Variants in MLIP observed in about 807,000 individuals in gnomAD.
MLIP encodes muscular LMNA interacting protein, also known as muscular LMNA-interacting protein.
In MLIP, 79 loss-of-function variants were observed where a neutral mutation model predicts 84.8. The ratio of observed to expected loss-of-function variants is 0.93; its 90% CI spans 0.78 to 1.12. The LOEUF is 1.12. Among genes scored for constraint, MLIP ranks in the 50% most tolerant of loss-of-function variants. The pLI is 0.00. For synonymous variants in MLIP, 504 were observed against 463.0 expected, an observed-to-expected ratio of 1.09 and a Z score of -1.14; for missense variants, 1,257 against 1,160.6, an observed-to-expected ratio of 1.08 and a Z score of -1.21.
intron 11 of MLIP, among the ~76,000 whole-genome samples, chr6:54,220,778 CTAAAG>C (rs1780165684): frequency 6.6e-6 from 1 of 152,084 alleles, no homozygotes; most frequent in African/African-American, 2.4e-5. Context: ...AATTTGTTCT[CTAAAG>C]TAAGTGACTT....
At chr6:54,093,806 A>C (rs76245018) in intron 1 of MLIP, among the ~76,000 whole-genome samples, 2,540 of 152,228 alleles carry the variant, frequency 0.017, 39 homozygotes, top group Middle Eastern at 0.048. Flanking sequence ...ATTTCTTTGC[A>C]TATTTTCTTT....
chr6:54,117,173 G>A (rs1268807468), intron 1 of MLIP, among the ~76,000 whole-genome samples: 2 of 147,698 alleles, frequency 1.4e-5, no homozygotes, highest in African/African-American at 4.9e-5. Flanking sequence ...TTTACTCTAA[G>A]ATTTGGAAAA....
intron 1 of MLIP, among the ~76,000 whole-genome samples, chr6:54,028,692 G>A (rs1406561625): frequency 6.6e-6 from 1 of 152,256 alleles, no homozygotes; most frequent in South Asian, 2.1e-4. Flanking sequence ...TTTGCCTACA[G>A]CTTGTAGACC....
rs1771815253 is a variant in MLIP at position 54,136,596 on chromosome 6, G to C, written c.646-119G>C. 8 of 936,072 alleles carry C rather than the reference G, an allele frequency of 8.5e-6. No individual in the cohort carries two copies. The Middle Eastern group carries it at 1.8e-3, about 215-fold the overall frequency. 58.0% of individuals were successfully genotyped at this position (936,072 alleles called of 1,614,324 possible). ...AAATAGAATTTCCTTCATTTTTGTGGAGGTTTAAGATGCCTCCTTTTGTGT... is the reference window on the plus strand; with the variant it reads ...AAATAGAATTTCCTTCATTTTTGTGCAGGTTTAAGATGCCTCCTTTTGTGT... On this transcript the variant is annotated intron_variant, in intron 3 of 13. Transcript: ENST00000502396.
Position 54,124,559 on chromosome 6 carries a change from TGGAACGATTTTACAAGAAA to T in MLIP, c.342_360del (p.Thr115AsnfsTer55), listed in dbSNP as rs1435619703. On this transcript the variant is annotated frameshift_variant, in exon 3 of 14. Coordinates refer to ENST00000502396, the MANE Select transcript of MLIP (RefSeq NM_001281747.2). LOFTEE classifies it high-confidence loss of function. ...AATTGACTTGTCCTTCAGAGGTCAGTGGAACGATTTTACAAGAAAGGGAATTCGAAGCAAACAAACTTCA... is the reference window on the plus strand; with the variant it reads ...AATTGACTTGTCCTTCAGAGGTCAGTGGGAATTCGAAGCAAACAAACTTCA... 6.2e-7 allele frequency: 1 copy of T among 1,614,030 alleles called. No homozygotes were observed. The highest frequency in any genetic ancestry group is 8.5e-7 in the Non-Finnish European group (1 of 1,180,032).
At chr6:54,126,297 G>GT (rs970878804) in intron 3 of MLIP, among the ~76,000 whole-genome samples, 1 of 151,994 alleles carries the variant, frequency 6.6e-6, no homozygotes, top group Admixed American at 6.6e-5. Flanking sequence ...CCAACTGATA[G>GT]TTTTTTCCCC....
intron 5 of MLIP, among the ~76,000 whole-genome samples, chr6:54,157,572 C>A (rs1005398946): frequency 6.6e-6 from 1 of 152,008 alleles, no homozygotes; most frequent in Admixed American, 6.6e-5. Context: ...TGTTTTGTGG[C>A]ATCCCCCTTC....
At chr6:54,190,890 G>A (rs1777853103) in intron 10 of MLIP, among the ~76,000 whole-genome samples, 1 of 151,406 alleles carries the variant, frequency 6.6e-6, no homozygotes, top group African/African-American at 2.4e-5. Flanking sequence ...CCGCCTCCCG[G>A]GTTCACGCCA....
intron 11 of MLIP, chr6:54,217,216 T>TGAA: frequency 1.0e-6 from 1 of 985,202 alleles, no homozygotes; most frequent in Middle Eastern, 5.2e-4. Context: ...ACAGCATGAG[T>TGAA]GAAGAGGAAG....
At position 54,219,081 on chromosome 6, in the gene MLIP, C is replaced by G. The variant is rs1007997952; in HGVS notation, c.2719-11633C>G. 2.6e-5 allele frequency among the ~76,000 whole-genome samples: 4 copies of G among 151,556 alleles called. No individual in the cohort carries two copies. In the East Asian group the frequency reaches 7.8e-4, roughly 30 times the overall value. On this transcript the variant is annotated intron_variant, in intron 11 of 13. Coordinates refer to ENST00000502396, the MANE Select transcript of MLIP (RefSeq NM_001281747.2). ...ATTAGCCGGGCATGGTGGCGGGCGC[C>G]TGTAGTCCCAGCTACTCGGGAGGCT...
intron 10 of MLIP, among the ~76,000 whole-genome samples, chr6:54,200,816 A>G (rs1004150016): frequency 2.0e-5 from 3 of 152,184 alleles, no homozygotes; most frequent in Admixed American, 6.5e-5. Context: ...CAGTTGTCAT[A>G]TACATGAAAG....
chr6:54,023,182 TAATAATA>T (rs1561871725), intron 1 of MLIP, among the ~76,000 whole-genome samples: 5 of 148,052 alleles, frequency 3.4e-5, no homozygotes, highest in Non-Finnish European at 7.5e-5. Context: ...ATAATAATAA[TAATAATA>T]ATAATAATGA....
intron 1 of MLIP, among the ~76,000 whole-genome samples, chr6:54,092,287 T>C (rs963083316): frequency 2.0e-5 from 3 of 152,160 alleles, no homozygotes; most frequent in African/African-American, 7.2e-5. Flanking sequence ...GCTTGTGAAT[T>C]GCAATTTCAA....
chr6:54,257,233 T>C (rs1486136547), intron 12 of MLIP, 75 bp from the exon 13 acceptor site: 1 of 1,051,848 alleles, frequency 9.5e-7, no homozygotes, highest in African/African-American at 1.6e-5. Flanking sequence ...TGTCAATCTG[T>C]TTAAATGAAA....
chr6:54,125,445 C>T (rs1196920533), intron 3 of MLIP, among the ~76,000 whole-genome samples: 1 of 152,110 alleles, frequency 6.6e-6, no homozygotes, highest in African/African-American at 2.4e-5. Context: ...GGAAAATATA[C>T]CACCCCAAAA....
At chr6:54,189,689 A>C (rs566516844) in intron 9 of MLIP, among the ~76,000 whole-genome samples, 181 bp from the exon 10 acceptor site, 1 of 152,310 alleles carries the variant, frequency 6.6e-6, no homozygotes, top group African/African-American at 2.4e-5. Flanking sequence ...ATTTATGGCT[A>C]TGTACCAAAA....
intron 9 of MLIP, among the ~76,000 whole-genome samples, chr6:54,188,970 A>G (rs773680764): frequency 2.6e-5 from 4 of 152,232 alleles, no homozygotes; most frequent in Non-Finnish European, 5.9e-5. Flanking sequence ...CAGAAATGCT[A>G]CTACCCTGGA....
At chr6:54,045,590 TC>T (rs1400845019) in intron 1 of MLIP, 1 of 152,158 alleles carries the variant, frequency 6.6e-6, no homozygotes, top group Non-Finnish European at 1.5e-5. Context: ...TGAATTTTAA[TC>T]CCCAGTGTTG....
chr6:54,083,357 G>A, intron 1 of MLIP: 1 of 926,048 alleles, frequency 1.1e-6, no homozygotes, highest in Non-Finnish European at 1.6e-6. Context: ...TATTCAGATG[G>A]GATTGAAATA....
Sources: allele counts gnomAD v4.1 joint callset (sites outside exome capture counted in the v4.1 genomes callset), GRCh38; gene constraint gnomAD v4.1.1; transcripts MANE v1.5; gene names NCBI Gene and HGNC (gene_info 2026-07-23, HGNC 2026-07-21).